CFAP119: variants seen among roughly 807,000 people sequenced by gnomAD.
CFAP119 encodes cilia and flagella associated protein 119.
At chr16:30,760,850 A>G in the CFAP119 span, 6 of 639,062 alleles carry the variant, frequency 9.4e-6, no homozygotes, top group Non-Finnish European at 1.4e-5. Flanking sequence ...GAGCCTCTCC[A>G]TTTCTAAAGC....
chr16:30,761,499 C>A, the CFAP119 span: 6 of 1,533,244 alleles, frequency 3.9e-6, no homozygotes, highest in Non-Finnish European at 5.2e-6. Flanking sequence ...TGCGGGGGAG[C>A]CGGTTTATAA....
chr16:30,759,634 A>T, the CFAP119 span: 2 of 1,614,052 alleles, frequency 1.2e-6, no homozygotes, highest in South Asian at 2.2e-5. Context: ...AAGTTTCCAG[A>T]ATGTTCCAGG....
the CFAP119 span, chr16:30,760,157 A>C: frequency 1.3e-6 from 2 of 1,584,806 alleles, no homozygotes; most frequent in Non-Finnish European, 1.7e-6. Context: ...TGGCTTGTGT[A>C]TGATGATGCT....
chr16:30,761,307 C>T, the CFAP119 span: 263 of 1,589,042 alleles, frequency 1.7e-4, 1 homozygote, highest in Admixed American at 5.5e-4. Flanking sequence ...CCGGAGAAGC[C>T]GCTGTAACTT....
the CFAP119 span, chr16:30,759,992 T>G: frequency 6.8e-7 from 1 of 1,462,980 alleles, no homozygotes; most frequent in Non-Finnish European, 9.0e-7. Flanking sequence ...ATTTCAGCTA[T>G]TAAACATTCT....
the CFAP119 span, chr16:30,759,700 T>C: frequency 1.1e-4 from 172 of 1,612,798 alleles, 1 homozygote; most frequent in African/African-American, 2.1e-3. Context: ...GCGGTAGCAC[T>C]CCTCCACGTT....
the CFAP119 span, chr16:30,760,995 C>G: frequency 1.6e-6 from 1 of 631,972 alleles, no homozygotes; most frequent in East Asian, 2.7e-5. Flanking sequence ...CATTTACATT[C>G]TGTCTTTGGC....
chr16:30,760,509 C>T, the CFAP119 span: 1 of 1,611,196 alleles, frequency 6.2e-7, no homozygotes, highest in South Asian at 1.1e-5. Context: ...CACCCTACAC[C>T]CACCACATGC....
chr16:30,759,842 T>C, the CFAP119 span: 1 of 1,477,904 alleles, frequency 6.8e-7, no homozygotes, highest in South Asian at 1.4e-5. Flanking sequence ...GTTTCAGCAC[T>C]GGCTTGTTTC....
chr16:30,760,165 G>A, the CFAP119 span: 1 of 1,593,096 alleles, frequency 6.3e-7, no homozygotes, highest in Non-Finnish European at 8.5e-7. Flanking sequence ...GTATGATGAT[G>A]CTACTAATAA....
the CFAP119 span, chr16:30,761,285 A>C: frequency 1.9e-6 from 3 of 1,611,140 alleles, no homozygotes; most frequent in Non-Finnish European, 1.7e-6. Context: ...CCCGTAGCGA[A>C]TCTCCAGCAG....
chr16:30,761,907 C>A, the CFAP119 span: 2 of 702,254 alleles, frequency 2.8e-6, no homozygotes, highest in East Asian at 5.8e-5. Context: ...GTGGGGGCGT[C>A]TCCCTCCGTC....
chr16:30,759,332 C>T, the CFAP119 span: 10 of 1,612,978 alleles, frequency 6.2e-6, no homozygotes, highest in Non-Finnish European at 8.5e-6. Flanking sequence ...CATGGTCCAC[C>T]ACCCCCTACC....
chr16:30,761,745 G>C, the CFAP119 span: 1 of 1,522,040 alleles, frequency 6.6e-7, no homozygotes, highest in Non-Finnish European at 8.8e-7. Context: ...TTGCGGTTGA[G>C]CATCTCGCCG....
chr16:30,761,540 C>G, the CFAP119 span: 3 of 1,536,168 alleles, frequency 2.0e-6, no homozygotes, highest in Non-Finnish European at 1.7e-6. Flanking sequence ...CTGTCCCGCC[C>G]TCACCGGAAA....
At chr16:30,758,454 G>A in the CFAP119 span, 3 of 163,946 alleles carry the variant, frequency 1.8e-5, no homozygotes, top group South Asian at 1.5e-4. Context: ...ATGGGCCATG[G>A]TGGTTTGCTT....
the CFAP119 span, chr16:30,761,562 C>CG: frequency 1.3e-6 from 2 of 1,536,046 alleles, no homozygotes; most frequent in Non-Finnish European, 1.7e-6. Context: ...AAGTTGGCTC[C>CG]GGGGTCTTCA....
At chr16:30,761,248 T>C in the CFAP119 span, 34 of 1,613,500 alleles carry the variant, frequency 2.1e-5, no homozygotes, top group African/African-American at 5.3e-5. Flanking sequence ...AGAAAGCGAA[T>C]TGGGGAAGGC....
chr16:30,760,506 C>T, the CFAP119 span: 1 of 1,611,800 alleles, frequency 6.2e-7, no homozygotes, highest in South Asian at 1.1e-5. Context: ...CATCACCCTA[C>T]ACCCACCACA....
Sources: allele counts gnomAD v4.1 joint callset, GRCh38; gene constraint gnomAD v4.1.1; transcripts MANE v1.5; gene names NCBI Gene and HGNC (gene_info 2026-07-23, HGNC 2026-07-21).